The following NCEH1 variants were observed in gnomAD, a reference collection of about 807,000 sequenced individuals.
The protein encoded by NCEH1 is neutral cholesterol ester hydrolase 1.
A neutral mutation model predicts 25.4 loss-of-function variants in NCEH1; 9 were observed. That is an observed-to-expected ratio of 0.35 (90% CI 0.21 to 0.62). The LOEUF is 0.62. NCEH1 is among the 20% of genes least tolerant of loss of function. NCEH1 has a pLI of 0.72. For missense variants in NCEH1, 412 were observed against 501.1 expected (o/e 0.82, Z 1.70); for synonymous variants, 200 against 199.8 (o/e 1.00, Z -0.01).
At chr3:172,637,134 T>C (rs891966986) in intron 3 of NCEH1, among the ~76,000 whole-genome samples, 31 of 152,192 alleles carry the variant, frequency 2.0e-4, no homozygotes, top group Non-Finnish European at 5.9e-5. Context: ...TATCAGGAAC[T>C]GTGTTTTATT....
chr3:172,679,162 A>AT (rs1258310013), intron 1 of NCEH1, among the ~76,000 whole-genome samples: 17 of 152,210 alleles, frequency 1.1e-4, no homozygotes, highest in Admixed American at 3.3e-4. Context: ...AACTTGTGGA[A>AT]TGCTGAGAAA....
chr3:172,636,648 G>A (rs907687259), intron 3 of NCEH1, among the ~76,000 whole-genome samples: 2 of 152,184 alleles, frequency 1.3e-5, no homozygotes, highest in Non-Finnish European at 1.5e-5. Context: ...CTAAAAGGCC[G>A]GTTGTTAACT....
At chr3:172,707,886 G>A (rs1461289618) in intron 1 of NCEH1, among the ~76,000 whole-genome samples, 1 of 152,142 alleles carries the variant, frequency 6.6e-6, no homozygotes, top group Non-Finnish European at 1.5e-5. Flanking sequence ...GCGCCCGGCT[G>A]GAACTTTTCT....
intron 3 of NCEH1, among the ~76,000 whole-genome samples, chr3:172,642,872 T>A (rs1291404876): frequency 6.6e-6 from 1 of 152,212 alleles, no homozygotes; most frequent in Non-Finnish European, 1.5e-5. Context: ...GTTCTGGAGA[T>A]GCAAAGGAAG....
At chr3:172,707,573 C>T (rs1714073191) in intron 1 of NCEH1, among the ~76,000 whole-genome samples, 1 of 151,988 alleles carries the variant, frequency 6.6e-6, no homozygotes, top group Non-Finnish European at 1.5e-5. Context: ...GGGAACTTTT[C>T]GTTTTTTATT....
intron 4 of NCEH1, among the ~76,000 whole-genome samples, chr3:172,634,480 T>C (rs1008174779): frequency 1.3e-5 from 2 of 152,230 alleles, no homozygotes; most frequent in African/African-American, 4.8e-5. Flanking sequence ...ATTAGTCTTA[T>C]TCTTCCAGAA....
chr3:172,644,187 ACT>A (rs943310765), intron 3 of NCEH1, among the ~76,000 whole-genome samples: 2 of 148,374 alleles, frequency 1.3e-5, no homozygotes, highest in African/African-American at 5.0e-5. Context: ...CTTTGGGGTG[ACT>A]CTAGGGCTTT....
At chr3:172,650,291 T>C (rs553944389) in intron 1 of NCEH1, among the ~76,000 whole-genome samples, 1 of 151,898 alleles carries the variant, frequency 6.6e-6, no homozygotes, top group South Asian at 2.1e-4. Context: ...TCATCTGAGG[T>C]CAGGAGCTAG....
Position 172,645,605 on chromosome 3 carries a change from C to A in NCEH1, c.437+18G>T. On this transcript the variant is annotated intron_variant, in intron 3 of 4. Coordinates refer to ENST00000475381, the MANE Select transcript of NCEH1 (RefSeq NM_020792.6). ...CCTTTATAAGAAAAATTTTCTATGA[C>A]TAGCATTAATTACTTACTCAATGGA... 6.5e-7 allele frequency: 1 copy of A among 1,529,016 alleles called. No homozygotes were observed. Among genetic ancestry groups the A allele is most frequent in the Admixed American group, 1.8e-5 (1 of 56,288 alleles). The allele number at this position is 1,529,016 out of a possible 1,614,324, so 94.7% of individuals were successfully genotyped here.
intron 3 of NCEH1, 27 bp from the exon 4 acceptor site, chr3:172,636,114 T>C: frequency 6.4e-7 from 1 of 1,562,910 alleles, no homozygotes. Flanking sequence ...TGTATTCATT[T>C]AAGGCCTTCT....
At chr3:172,672,748 T>C (rs550773789) in intron 1 of NCEH1, among the ~76,000 whole-genome samples, 2 of 152,292 alleles carry the variant, frequency 1.3e-5, no homozygotes, top group South Asian at 4.1e-4. Context: ...AGCAGCAGCT[T>C]TGCAGGCTGG....
chr3:172,648,145 G>A (rs1212703983), intron 1 of NCEH1, 31 bp from the exon 2 acceptor site: 26 of 1,612,542 alleles, frequency 1.6e-5, no homozygotes, highest in Non-Finnish European at 2.1e-5. Flanking sequence ...TAAAGAGGGA[G>A]GGCGCACGTC....
At chr3:172,708,799 G>C (rs919761010) in intron 1 of NCEH1, among the ~76,000 whole-genome samples, 2 of 152,156 alleles carry the variant, frequency 1.3e-5, no homozygotes, top group Admixed American at 1.3e-4. Context: ...GGGACAACTA[G>C]AAGACTCACT....
chr3:172,678,812 C>T (rs1388131857), intron 1 of NCEH1, among the ~76,000 whole-genome samples: 1 of 152,124 alleles, frequency 6.6e-6, no homozygotes, highest in African/African-American at 2.4e-5. Context: ...AACACTGTAC[C>T]AAACAGGTCA....
intron 1 of NCEH1, among the ~76,000 whole-genome samples, chr3:172,659,388 G>A (rs1396016254): frequency 6.6e-6 from 1 of 152,162 alleles, no homozygotes; most frequent in Non-Finnish European, 1.5e-5. Context: ...CTGTGCACAG[G>A]ACTGCTCTCT....
At chr3:172,641,219 C>T (rs7633231) in intron 3 of NCEH1, among the ~76,000 whole-genome samples, 10,521 of 130,508 alleles carry the variant, frequency 0.081, 495 homozygotes, top group Middle Eastern at 0.17. Flanking sequence ...AATGAGGATA[C>T]ATCTGCAAAT....
rs200903744 is a variant in NCEH1 at position 172,635,903 on chromosome 3, A to G, written c.609+13T>C. ...CCGCTTAACCCACCAGCACCTTAGG[A>G]CAGTGGTGTTACCTGTTGTCCAAGG... On this transcript the variant is annotated intron_variant, in intron 4 of 4. Coordinates refer to ENST00000475381, the MANE Select transcript of NCEH1 (RefSeq NM_020792.6). 18 of 1,613,686 alleles carry G rather than the reference A, an allele frequency of 1.1e-5. No homozygotes were observed. The highest frequency in any genetic ancestry group is 1.5e-5 in the Non-Finnish European group (18 of 1,179,784).
Position 172,632,682 on chromosome 3 carries a change from A to G in NCEH1, c.*793T>C, listed in dbSNP as rs529274947. ...TTTGTCTGTTTTTACTTGCTCTATA[A>G]TGAAAAGTTTACTCTAAATCTAAAT... On this transcript the variant is annotated 3_prime_UTR_variant, in exon 5 of 5. Coordinates refer to ENST00000475381, the MANE Select transcript of NCEH1 (RefSeq NM_020792.6). 1 of 152,612 alleles carries G rather than the reference A, an allele frequency of 6.6e-6. No individual in the cohort carries two copies. The highest frequency in any genetic ancestry group is 1.5e-5 in the Non-Finnish European group (1 of 68,032). 9.5% of individuals were successfully genotyped at this position (152,612 alleles called of 1,614,324 possible).
intron 3 of NCEH1, among the ~76,000 whole-genome samples, chr3:172,638,574 C>T (rs574960223): frequency 6.8e-4 from 103 of 151,718 alleles, no homozygotes; most frequent in African/African-American, 2.3e-3. Context: ...TTTTAATCTT[C>T]AGTATTACCA....
Sources: gnomAD v4.1 joint callset for allele counts (sites outside exome capture counted in the v4.1 genomes callset) on GRCh38, gnomAD v4.1.1 for gene constraint, MANE v1.5 for transcripts, NCBI Gene and HGNC (gene_info 2026-07-23, HGNC 2026-07-21) for gene names.